ZNF248: variants seen among roughly 807,000 people sequenced by gnomAD.
ZNF248 encodes the protein KRAB protein domain.
ZNF248 carries 20 observed loss-of-function variants against 44.3 expected under a neutral mutation model. The ratio of observed to expected loss-of-function variants is 0.45; its 90% CI spans 0.32 to 0.66. The LOEUF is 0.66. Among genes scored for constraint, ZNF248 ranks in the 30% least tolerant of loss-of-function variants. The probability of loss-of-function intolerance (pLI) is 0.04; values close to 1 mark genes in which losing one functional copy is unlikely to be tolerated. For synonymous variants in ZNF248, 224 were observed against 229.0 expected (o/e 0.98, Z 0.20); for missense variants, 654 against 677.0 (o/e 0.97, Z 0.38).
At chr10:37,847,485 T>C (rs1322002452) in intron 3 of ZNF248, among the ~76,000 whole-genome samples, 2 of 152,228 alleles carry the variant, frequency 1.3e-5, no homozygotes, top group African/African-American at 4.8e-5. Context: ...GGTAAGTAAA[T>C]GTCCTTATGC....
chr10:37,792,537 G>A (rs2048682538), intron 6 of ZNF248, among the ~76,000 whole-genome samples: 1 of 152,104 alleles, frequency 6.6e-6, no homozygotes, highest in South Asian at 2.1e-4. Flanking sequence ...GTATGGAAAG[G>A]AAAACACTGT....
In ZNF248 at chr10:37,836,270, T is replaced by A. The variant is rs118069335; in HGVS notation, c.238+1347A>T. Reference sequence around the variant, plus strand: ...CACCCACCACAGTATATACACTGCATAGATGTCAGAGAGATCCTTTTAAAC... The same window carrying A: ...CACCCACCACAGTATATACACTGCAAAGATGTCAGAGAGATCCTTTTAAAC... On this transcript the variant is annotated intron_variant, in intron 5 of 5. Coordinates refer to ENST00000395867, the MANE Select transcript of ZNF248 (RefSeq NM_021045.3). Among the ~76,000 whole-genome samples, 44 of 152,280 alleles carry A rather than the reference T, an allele frequency of 2.9e-4. No individual in the cohort carries two copies. In the East Asian group the frequency reaches 7.3e-3, roughly 25 times the overall value.
chr10:37,850,116 TA>T (rs1036997407), intron 3 of ZNF248, among the ~76,000 whole-genome samples: 4 of 152,132 alleles, frequency 2.6e-5, no homozygotes, highest in African/African-American at 7.2e-5. Context: ...TGTTTTCCTC[TA>T]CCCCAAATGC....
chr10:37,834,658 G>A (rs2056717748), intron 5 of ZNF248, among the ~76,000 whole-genome samples: 1 of 152,138 alleles, frequency 6.6e-6, no homozygotes, highest in Non-Finnish European at 1.5e-5. Context: ...ACAGCCACTG[G>A]TGAGTTAATG....
chr10:37,833,158 C>T (rs772827587), intron 5 of ZNF248, 42 bp from the exon 6 acceptor site: 65 of 1,530,776 alleles, frequency 4.2e-5, no homozygotes, highest in Non-Finnish European at 4.1e-5. Flanking sequence ...AACCTTAATA[C>T]ATTTCTGATG....
intron 6 of ZNF248, among the ~76,000 whole-genome samples, chr10:37,822,785 A>C (rs531947979): frequency 1.3e-5 from 2 of 152,282 alleles, no homozygotes; most frequent in East Asian, 3.9e-4. Context: ...AAAAGCTCAC[A>C]ATGTTTTAAG....
intron 3 of ZNF248, among the ~76,000 whole-genome samples, chr10:37,851,060 T>G (rs565203657): frequency 6.6e-6 from 1 of 152,002 alleles, no homozygotes; most frequent in Non-Finnish European, 1.5e-5. Context: ...AGGATTACTA[T>G]CTAGAAAATT....
At chr10:37,840,628 T>C (rs1218565826) in intron 3 of ZNF248, among the ~76,000 whole-genome samples, 1 of 151,906 alleles carries the variant, frequency 6.6e-6, no homozygotes, top group African/African-American at 2.4e-5. Flanking sequence ...AGCTAAACAA[T>C]CTAAATTAGC....
At chr10:37,835,976 C>T (rs1248480394) in intron 5 of ZNF248, among the ~76,000 whole-genome samples, 3 of 152,132 alleles carry the variant, frequency 2.0e-5, no homozygotes, top group African/African-American at 7.2e-5. Flanking sequence ...TGTGATAACT[C>T]CCTTATATGT....
chr10:37,831,457 C>A lies in ZNF248; in HGVS notation c.*158G>T. On this transcript the variant is annotated 3_prime_UTR_variant, in exon 6 of 6. Transcript: ENST00000395867. ...TAGATGAATAGAATTCCCCTCAGTACAAATTTTCTAATGAAAAGTTTTAAT... is the reference window on the plus strand; with the variant it reads ...TAGATGAATAGAATTCCCCTCAGTAAAAATTTTCTAATGAAAAGTTTTAAT... 4 of 1,461,068 alleles carry A rather than the reference C, an allele frequency of 2.7e-6. No individual in the cohort carries two copies. Among genetic ancestry groups the A allele is most frequent in the Non-Finnish European group, 3.6e-6 (4 of 1,108,248 alleles). 90.5% of individuals were successfully genotyped at this position (1,461,068 alleles called of 1,614,324 possible).
chr10:37,778,104 T>G (rs987303318), intron 6 of ZNF248, among the ~76,000 whole-genome samples: 1 of 152,288 alleles, frequency 6.6e-6, no homozygotes, highest in African/African-American at 2.4e-5. Context: ...CCCTGAGGAA[T>G]CGCCACACTG....
downstream of ZNF248, among the ~76,000 whole-genome samples, chr10:37,827,779 C>T (rs1240201580): frequency 2.0e-5 from 3 of 152,116 alleles, no homozygotes; most frequent in Non-Finnish European, 4.4e-5. Flanking sequence ...GGGTTGAAGG[C>T]ATCAAGGATA....
intron 3 of ZNF248, 133 bp from the exon 4 acceptor site, chr10:37,838,244 A>T: frequency 1.5e-6 from 1 of 684,318 alleles, no homozygotes; most frequent in Non-Finnish European, 2.2e-6. Flanking sequence ...TACTATACAG[A>T]ATACAAAATA....
intron 6 of ZNF248, among the ~76,000 whole-genome samples, chr10:37,816,776 T>A (rs192564857): frequency 4.6e-5 from 7 of 152,298 alleles, no homozygotes; most frequent in Non-Finnish European, 2.9e-5. Context: ...TGGTGAAATC[T>A]CTGAGCCATG....
intron 6 of ZNF248, among the ~76,000 whole-genome samples, chr10:37,798,238 T>G (rs11011371): frequency 0.26 from 39,867 of 152,010 alleles, 5,446 homozygotes; most frequent in East Asian, 0.45. Flanking sequence ...ATAATTCCAT[T>G]TATATGAAAT....
chr10:37,787,651 A>G (rs922193512), intron 6 of ZNF248, among the ~76,000 whole-genome samples: 1 of 152,164 alleles, frequency 6.6e-6, no homozygotes, highest in Non-Finnish European at 1.5e-5. Context: ...CATGCCAAAA[A>G]AAAAAAATAG....
At chr10:37,835,967 G>A (rs1372403890) in intron 5 of ZNF248, among the ~76,000 whole-genome samples, 1 of 152,124 alleles carries the variant, frequency 6.6e-6, no homozygotes, top group Admixed American at 6.5e-5. Flanking sequence ...AATTAAATCT[G>A]TGATAACTCC....
intron 4 of ZNF248, 26 bp downstream of exon 4, chr10:37,837,959 G>C: frequency 6.2e-7 from 1 of 1,609,260 alleles, no homozygotes; most frequent in South Asian, 1.1e-5. Flanking sequence ...GCTATTGATA[G>C]CCATGTGCGG....
intron 5 of ZNF248, among the ~76,000 whole-genome samples, chr10:37,834,110 T>TC (rs34423512): frequency 0.013 from 1,911 of 152,196 alleles, 25 homozygotes; most frequent in Middle Eastern, 0.048. Flanking sequence ...ATCCTGGATA[T>TC]CCCTCAGTGA....
Sources: gnomAD v4.1 joint callset for allele counts (sites outside exome capture counted in the v4.1 genomes callset) on GRCh38, gnomAD v4.1.1 for gene constraint, MANE v1.5 for transcripts, NCBI Gene and HGNC (gene_info 2026-07-23, HGNC 2026-07-21) for gene names.